Variants in SH3KBP1 observed in about 807,000 individuals in gnomAD.
SH3KBP1 encodes SH3 domain containing kinase binding protein 1.
Under a neutral mutation model 50.1 loss-of-function variants are expected in SH3KBP1, and 8 were observed. The observed-to-expected ratio is 0.16, with a 90% CI of 0.09 to 0.29. The LOEUF is 0.29. Among genes scored for constraint, SH3KBP1 ranks in the 10% least tolerant of loss-of-function variants. SH3KBP1 has a pLI of 1.00. For synonymous variants in SH3KBP1, 227 were observed against 218.6 expected (o/e 1.04, Z -0.34); for missense variants, 377 against 535.2 (o/e 0.70, Z 2.92).
At chrX:19,646,765 C>T (rs2061999774) in intron 6 of SH3KBP1, among the ~76,000 whole-genome samples, 1 of 112,335 alleles carries the variant, frequency 8.9e-6, no homozygotes, top group African/African-American at 3.2e-5. Context: ...AATCCTCAGC[C>T]CTTCATGAAT....
At chrX:19,541,903 C>T (rs1476038352) in intron 16 of SH3KBP1, 22 bp downstream of exon 16, 2 of 1,192,131 alleles carry the variant, frequency 1.7e-6, no homozygotes, top group Non-Finnish European at 2.3e-6. Context: ...GTGACGGCCC[C>T]CAAGAGTCCC....
At chrX:19,666,187 G>A (rs1222956961) in intron 6 of SH3KBP1, among the ~76,000 whole-genome samples, 22 of 107,959 alleles carry the variant, frequency 2.0e-4, no homozygotes, top group Non-Finnish European at 4.2e-4. Context: ...AAGGTGAAGA[G>A]GAAAAAAAAA....
chrX:19,636,094 G>A (rs1266903790), intron 7 of SH3KBP1, among the ~76,000 whole-genome samples: 4 of 109,799 alleles, frequency 3.6e-5, no homozygotes, highest in African/African-American at 1.3e-4. Context: ...TTCATCAATT[G>A]GATGGATTTA....
intron 12 of SH3KBP1, among the ~76,000 whole-genome samples, chrX:19,584,817 C>T (rs764622303): frequency 4.8e-4 from 54 of 112,040 alleles, no homozygotes; most frequent in Non-Finnish European, 9.8e-4. Flanking sequence ...TGAGCCCGGA[C>T]GCTGCAGCTG....
chrX:19,649,760 T>C lies in SH3KBP1; in HGVS notation c.727-4285A>G, dbSNP rs1348136072. On this transcript the variant is annotated intron_variant, in intron 6 of 17. Transcript: ENST00000397821. ...TCAAGACAGATAACCACCATATGAT[T>C]TCAGTTAGTGGAGCAACTAATTTGT... Among the ~76,000 whole-genome samples, 3 of 111,594 alleles carry C rather than the reference T, an allele frequency of 2.7e-5. No individual in the cohort carries two copies. In the South Asian group the frequency reaches 1.1e-3, roughly 42 times the overall value.
At chrX:19,885,560 T>C (rs953377555) in intron 1 of SH3KBP1, among the ~76,000 whole-genome samples, 19 of 111,262 alleles carry the variant, frequency 1.7e-4, no homozygotes, top group African/African-American at 5.9e-4. Flanking sequence ...ATCTGAAAAA[T>C]AGGTCTGATT....
intron 13 of SH3KBP1, among the ~76,000 whole-genome samples, chrX:19,565,150 C>T (rs1238359711): frequency 9.6e-6 from 1 of 104,521 alleles, no homozygotes; most frequent in Non-Finnish European, 2.0e-5. Flanking sequence ...CAACCTCCGC[C>T]TCCCGGGTTC....
intron 1 of SH3KBP1, among the ~76,000 whole-genome samples, chrX:19,850,273 C>T (rs1008710173): frequency 3.6e-5 from 4 of 110,051 alleles, no homozygotes; most frequent in African/African-American, 1.3e-4. Flanking sequence ...CAACCTCTGC[C>T]CCTGGGTTCA....
At chrX:19,844,878 G>C (rs770459319) in intron 1 of SH3KBP1, among the ~76,000 whole-genome samples, 3 of 111,378 alleles carry the variant, frequency 2.7e-5, no homozygotes, top group Non-Finnish European at 5.7e-5. Context: ...AGCAGTTCAA[G>C]ACCAGCCTGG....
At chrX:19,562,334 G>C (rs1278333784) in intron 13 of SH3KBP1, among the ~76,000 whole-genome samples, 3 of 111,051 alleles carry the variant, frequency 2.7e-5, no homozygotes, top group African/African-American at 9.8e-5. Flanking sequence ...CCCACAGCCA[G>C]GGGACAGGGG....
At chrX:19,685,952 T>A (rs2063154384) in intron 5 of SH3KBP1, among the ~76,000 whole-genome samples, 1 of 111,886 alleles carries the variant, frequency 8.9e-6, no homozygotes, top group African/African-American at 3.3e-5. Flanking sequence ...CTTCTATCAT[T>A]CACCATTAGC....
At chrX:19,610,737 A>G (rs1003860597) in intron 8 of SH3KBP1, among the ~76,000 whole-genome samples, 2 of 111,518 alleles carry the variant, frequency 1.8e-5, no homozygotes, top group East Asian at 5.6e-4. Context: ...TAGTACCAAA[A>G]GAGGAGAGAA....
intron 3 of SH3KBP1, among the ~76,000 whole-genome samples, chrX:19,727,699 A>C (rs7053634): frequency 0.21 from 23,068 of 111,635 alleles, 1,988 homozygotes; most frequent in African/African-American, 0.32. Flanking sequence ...AAAAAATATC[A>C]CTTAGGCCGG....
chrX:19,672,206 A>T (rs2062814681), intron 6 of SH3KBP1, among the ~76,000 whole-genome samples: 1 of 112,085 alleles, frequency 8.9e-6, no homozygotes, highest in Admixed American at 9.5e-5. Flanking sequence ...AGAACAGATA[A>T]AAAAAATTCC....
intron 6 of SH3KBP1, among the ~76,000 whole-genome samples, chrX:19,666,363 G>C (rs2062598943): frequency 9.0e-6 from 1 of 110,791 alleles, no homozygotes; most frequent in African/African-American, 3.3e-5. Flanking sequence ...TAAGCGGATG[G>C]GGCAACATGA....
At chrX:19,835,589 T>C (rs1305889671) in intron 2 of SH3KBP1, among the ~76,000 whole-genome samples, 1 of 109,954 alleles carries the variant, frequency 9.1e-6, no homozygotes, top group Non-Finnish European at 1.9e-5. Context: ...ACTATTTTTT[T>C]TTTTTTTTTG....
intron 3 of SH3KBP1, among the ~76,000 whole-genome samples, chrX:19,711,059 G>A (rs764609919): frequency 1.8e-5 from 2 of 111,228 alleles, no homozygotes; most frequent in Non-Finnish European, 3.8e-5. Flanking sequence ...AGAAGACCTC[G>A]GAGGCACATA....
At chrX:19,868,090 T>A (rs1449318305) in intron 1 of SH3KBP1, among the ~76,000 whole-genome samples, 2 of 111,912 alleles carry the variant, frequency 1.8e-5, no homozygotes, top group African/African-American at 6.5e-5. Context: ...ACCTACTATG[T>A]GCATGCAATG....
At chrX:19,851,049 G>A (rs2068494777) in intron 1 of SH3KBP1, among the ~76,000 whole-genome samples, 1 of 111,219 alleles carries the variant, frequency 9.0e-6, no homozygotes, top group Non-Finnish European at 1.9e-5. Context: ...CGGGGGGCAG[G>A]GTGGGTCATG....
Sources: gnomAD v4.1 joint callset for allele counts (sites outside exome capture counted in the v4.1 genomes callset) on GRCh38, gnomAD v4.1.1 for gene constraint, MANE v1.5 for transcripts, NCBI Gene and HGNC (gene_info 2026-07-23, HGNC 2026-07-21) for gene names.